The following BLTP1 variants were observed in gnomAD, a reference collection of about 807,000 sequenced individuals.
BLTP1 encodes the protein bridge-like lipid transfer protein family member 1.
the BLTP1 span, chr4:122,256,067 A>T: frequency 1.0e-6 from 1 of 983,602 alleles, no homozygotes; most frequent in South Asian, 4.7e-5. Flanking sequence ...CTGGAAAAGC[A>T]GATAACATCA....
the BLTP1 span, chr4:122,346,080 T>C: frequency 1.2e-6 from 1 of 827,710 alleles, no homozygotes; most frequent in Non-Finnish European, 1.5e-6. Flanking sequence ...ATTTTAGCTG[T>C]GGGAGTCATT....
chr4:122,290,786 CAAAAAAAAAAAAAAA>C, the BLTP1 span: 1 of 22,626 alleles, frequency 4.4e-5, no homozygotes, highest in Non-Finnish European at 1.0e-4. Flanking sequence ...GATTCCGTCT[CAAAAAAAAAAAAAAA>C]AAAAAAAATA....
the BLTP1 span, chr4:122,190,219 C>G: frequency 8.7e-7 from 1 of 1,144,328 alleles, no homozygotes; most frequent in Non-Finnish European, 1.2e-6. Context: ...ACTTCAGCCT[C>G]CTGAGTTGCT....
chr4:122,299,021 G>C, the BLTP1 span: 1 of 985,390 alleles, frequency 1.0e-6, no homozygotes, highest in Non-Finnish European at 1.2e-6. Flanking sequence ...TTCAGGAAAA[G>C]ACTGAGGGTC....
the BLTP1 span, chr4:122,221,728 G>A: frequency 1.1e-6 from 1 of 906,052 alleles, no homozygotes; most frequent in Non-Finnish European, 1.3e-6. Context: ...AGAATCGGTT[G>A]TTTTTTATTC....
At chr4:122,328,720 T>A in the BLTP1 span, 1 of 983,994 alleles carries the variant, frequency 1.0e-6, no homozygotes, top group Non-Finnish European at 1.2e-6. Context: ...GAAGGCTAGT[T>A]AAGAAAAGTA....
At chr4:122,332,771 T>TCCCTCCC in the BLTP1 span, among the ~76,000 whole-genome samples, 2 of 121,480 alleles carry the variant, frequency 1.6e-5, no homozygotes, top group African/African-American at 6.3e-5. Flanking sequence ...CCCAATGCTA[T>TCCCTCCC]CCCTCCCCCC....
the BLTP1 span, chr4:122,286,431 A>G: frequency 6.6e-7 from 1 of 1,507,738 alleles, no homozygotes; most frequent in Non-Finnish European, 8.9e-7. Flanking sequence ...ATTTCAAGAT[A>G]GGTTTGGGAA....
the BLTP1 span, among the ~76,000 whole-genome samples, chr4:122,340,293 C>T: frequency 1.3e-5 from 2 of 151,982 alleles, no homozygotes; most frequent in African/African-American, 4.8e-5. Flanking sequence ...AATGGCAAGG[C>T]TGAGAAGGTT....
chr4:122,300,200 G>A, the BLTP1 span, among the ~76,000 whole-genome samples: 20 of 152,026 alleles, frequency 1.3e-4, no homozygotes, highest in Non-Finnish European at 2.5e-4. Context: ...AGTAGAGATG[G>A]GGTTTCTCCA....
At chr4:122,325,805 A>AT in the BLTP1 span, 2 of 939,518 alleles carry the variant, frequency 2.1e-6, no homozygotes, top group Admixed American at 7.9e-5. Flanking sequence ...AGTCATTGTT[A>AT]TTTTTCATGA....
the BLTP1 span, chr4:122,331,737 G>A: frequency 1.0e-6 from 1 of 980,792 alleles, no homozygotes. Flanking sequence ...CTGGCAACTA[G>A]AAATGGATGT....
chr4:122,286,969 G>C, the BLTP1 span, among the ~76,000 whole-genome samples: 1 of 152,136 alleles, frequency 6.6e-6, no homozygotes, highest in Admixed American at 6.5e-5. Context: ...GTGTCTGTTA[G>C]TCTGACTACC....
the BLTP1 span, among the ~76,000 whole-genome samples, chr4:122,260,773 C>T: frequency 1.1e-3 from 172 of 151,908 alleles, 4 homozygotes; most frequent in East Asian, 0.03. Context: ...AGTCTAAGAA[C>T]GTTCTTTGCA....
At chr4:122,227,368 C>T in the BLTP1 span, 2 of 985,358 alleles carry the variant, frequency 2.0e-6, no homozygotes, top group Non-Finnish European at 2.4e-6. Context: ...ATGGTAATCC[C>T]TAAAACCATG....
the BLTP1 span, chr4:122,263,416 T>C: frequency 1.3e-6 from 2 of 1,560,296 alleles, no homozygotes; most frequent in East Asian, 4.5e-5. Flanking sequence ...TAAATAATAT[T>C]ATACTCAGAA....
the BLTP1 span, among the ~76,000 whole-genome samples, chr4:122,320,365 G>C: frequency 1.3e-5 from 2 of 151,984 alleles, no homozygotes; most frequent in Non-Finnish European, 2.9e-5. Flanking sequence ...TGCCCAGGCT[G>C]GTCTCAAACT....
chr4:122,216,595 C>T, the BLTP1 span, among the ~76,000 whole-genome samples: 1 of 152,076 alleles, frequency 6.6e-6, no homozygotes, highest in Admixed American at 6.6e-5. Context: ...ACTTTGCCCA[C>T]TTTTTGATGG....
At chr4:122,155,682 T>C in the BLTP1 span, among the ~76,000 whole-genome samples, 3 of 152,136 alleles carry the variant, frequency 2.0e-5, no homozygotes, top group Non-Finnish European at 4.4e-5. Flanking sequence ...AAAGATAATA[T>C]GGGAGCTTAG....
Sources: gnomAD v4.1 joint callset for allele counts (sites outside exome capture counted in the v4.1 genomes callset) on GRCh38, gnomAD v4.1.1 for gene constraint, MANE v1.5 for transcripts, NCBI Gene and HGNC (gene_info 2026-07-23, HGNC 2026-07-21) for gene names.